SRGAP3: variants seen among roughly 807,000 people sequenced by gnomAD.
The protein encoded by SRGAP3 is SLIT-ROBO Rho GTPase activating protein 3.
SRGAP3 carries 39 observed loss-of-function variants against 121.1 expected under a neutral mutation model. The ratio of observed to expected loss-of-function variants is 0.32; its 90% CI spans 0.25 to 0.42. The LOEUF (loss-of-function observed/expected upper bound fraction) is 0.42, where lower values mean the gene tolerates loss of function less well. SRGAP3 is among the 10% of genes least tolerant of loss of function. The pLI is 1.00. For synonymous variants in SRGAP3, 601 were observed against 570.0 expected (o/e 1.05, Z -0.77); for missense variants, 1,213 against 1,470.6 (o/e 0.82, Z 2.86).
chr3:9,192,488 C>G (rs2125140815), intron 1 of SRGAP3: 1 of 152,302 alleles, frequency 6.6e-6, no homozygotes, highest in South Asian at 2.1e-4. Flanking sequence ...CACCAAGGGG[C>G]AGTTGGGTTT....
At chr3:9,058,712 CTCTTTTTT>C in intron 6 of SRGAP3, 3 of 410,826 alleles carry the variant, frequency 7.3e-6, no homozygotes, top group East Asian at 4.6e-5. Context: ...CTTTCTCTCT[CTCTTTTTT>C]TTTTTTTTTT....
At chr3:9,027,125 A>G (rs897662971) in intron 12 of SRGAP3, 130 bp from the exon 13 acceptor site, 2 of 857,908 alleles carry the variant, frequency 2.3e-6, no homozygotes, top group African/African-American at 3.3e-5. Flanking sequence ...ACAAGCAAGG[A>G]ACTGCTAATC....
chr3:9,316,679 C>T (rs1955352364), intron 3 of SRGAP3, among the ~76,000 whole-genome samples: 2 of 152,034 alleles, frequency 1.3e-5, no homozygotes, highest in African/African-American at 4.8e-5. Flanking sequence ...ATTAATATAG[C>T]AATCTCATAT....
intron 3 of SRGAP3, among the ~76,000 whole-genome samples, chr3:9,286,704 G>A (rs905670257): frequency 3.3e-5 from 5 of 150,746 alleles, no homozygotes; most frequent in African/African-American, 9.7e-5. Context: ...CCGGGTTCCC[G>A]CCATTCTCCT....
Position 8,990,800 on chromosome 3 carries a change from G to A in SRGAP3, c.2598C>T (p.Arg866=), listed in dbSNP as rs1311230865. ...LRSDGAAIPR[R]RSGGDTHSPP... Reference sequence around the variant, plus strand: ...GGCTGTGTGTGTCGCCCCCGCTTCGGCGTCTGGGGATGGCTGCTCCATCAG... The same window carrying A: ...GGCTGTGTGTGTCGCCCCCGCTTCGACGTCTGGGGATGGCTGCTCCATCAG... The change falls in exon 21 of 22, where the codon CGC becomes CGT. Residue 866 remains arginine (R), a synonymous_variant. Coordinates refer to ENST00000383836, the MANE Select transcript of SRGAP3 (RefSeq NM_014850.4). 6.3e-7 allele frequency: 1 copy of A among 1,584,776 alleles called. No individual in the cohort carries two copies. The highest frequency in any genetic ancestry group is 1.1e-5 in the South Asian group (1 of 87,732).
chr3:9,012,374 G>A (rs1395462263), intron 17 of SRGAP3, among the ~76,000 whole-genome samples: 2 of 152,188 alleles, frequency 1.3e-5, no homozygotes, highest in African/African-American at 2.4e-5. Flanking sequence ...TAGTAGAAAT[G>A]CTTTGGTCTC....
chr3:9,005,887 A>G (rs1943041371), intron 18 of SRGAP3, among the ~76,000 whole-genome samples: 1 of 152,200 alleles, frequency 6.6e-6, no homozygotes, highest in South Asian at 2.1e-4. Context: ...AATACACAAA[A>G]AAATCACTCA....
At chr3:9,057,719 G>A (rs1020705271) in intron 7 of SRGAP3, among the ~76,000 whole-genome samples, 3 of 152,248 alleles carry the variant, frequency 2.0e-5, no homozygotes, top group Non-Finnish European at 2.9e-5. Context: ...TGGGTAACGA[G>A]TAGGGCTGTG....
chr3:9,144,512 CAT>C lies in SRGAP3; in HGVS notation c.68-19597_68-19596del, dbSNP rs571765665. 2.8e-3 allele frequency among the ~76,000 whole-genome samples: 425 copies of C among 152,362 alleles called. 2 individuals carry two copies. The highest frequency in any genetic ancestry group is 4.5e-3 in the Non-Finnish European group (305 of 68,042). Reference sequence around the variant, plus strand: ...TAGATTGTATCTCCCAGAATTCCCACATGTTGTGGGAGGGACCCAGGAGGAGG... The same window carrying C: ...TAGATTGTATCTCCCAGAATTCCCACGTTGTGGGAGGGACCCAGGAGGAGG... On this transcript the variant is annotated intron_variant, in intron 1 of 21. Transcript: ENST00000383836.
intron 11 of SRGAP3, 118 bp from the exon 12 acceptor site, chr3:9,032,870 G>GA (rs1944561413): frequency 2.2e-6 from 2 of 894,810 alleles, no homozygotes; most frequent in African/African-American, 3.3e-5. Context: ...GGAAGCCCCT[G>GA]ACCCCCCGCC....
At position 9,196,055 on chromosome 3, in the gene SRGAP3, G is replaced by A. The variant is rs191540727; in HGVS notation, c.67+52830C>T. ...AGAAAAGATCATTGTGGCTTTGGAG[G>A]AATCCCAGGAAGCTTTCTGCAGGAG... is the stretch of plus-strand genomic sequence containing the variant. On this transcript the variant is annotated intron_variant, in intron 1 of 21. Coordinates refer to ENST00000383836, the MANE Select transcript of SRGAP3 (RefSeq NM_014850.4). 4.1e-3 allele frequency among the ~76,000 whole-genome samples: 628 copies of A among 152,342 alleles called. 3 individuals are homozygous for A. The highest frequency in any genetic ancestry group is 7.2e-3 in the Non-Finnish European group (491 of 68,026).
At chr3:9,156,066 C>T (rs1033049383) in intron 1 of SRGAP3, among the ~76,000 whole-genome samples, 21 of 152,256 alleles carry the variant, frequency 1.4e-4, no homozygotes, top group Admixed American at 6.5e-4. Flanking sequence ...CCACCCGCCT[C>T]GGCCTCCCAA....
chr3:9,327,843 A>T (rs1044077388), intron 2 of SRGAP3, among the ~76,000 whole-genome samples: 1 of 152,140 alleles, frequency 6.6e-6, no homozygotes, highest in African/African-American at 2.4e-5. Context: ...AGACTTTCTG[A>T]CTTGCCCTAA....
At chr3:9,276,353 C>G (rs1050357009) in intron 3 of SRGAP3, among the ~76,000 whole-genome samples, 1 of 152,120 alleles carries the variant, frequency 6.6e-6, no homozygotes, top group East Asian at 1.9e-4. Context: ...ACCTGTCTTG[C>G]TGGACCCTCC....
chr3:8,986,299 T>C (rs1026956805), intron 21 of SRGAP3, among the ~76,000 whole-genome samples: 1 of 152,100 alleles, frequency 6.6e-6, no homozygotes, highest in Non-Finnish European at 1.5e-5. Flanking sequence ...CAGATAATTA[T>C]AATATGGACC....
At chr3:9,243,908 TA>T (rs1425623127) in intron 1 of SRGAP3, among the ~76,000 whole-genome samples, 5 of 152,188 alleles carry the variant, frequency 3.3e-5, no homozygotes, top group Admixed American at 6.5e-5. Context: ...AGATTTTGCT[TA>T]AAAATCCAGA....
At chr3:9,064,147 T>A (rs1446136837) in intron 5 of SRGAP3, among the ~76,000 whole-genome samples, 1 of 152,228 alleles carries the variant, frequency 6.6e-6, no homozygotes, top group African/African-American at 2.4e-5. Flanking sequence ...GAGCACCTCG[T>A]CTGCCTGCTG....
At chr3:9,121,658 G>A (rs1160454388) in intron 2 of SRGAP3, among the ~76,000 whole-genome samples, 1 of 152,338 alleles carries the variant, frequency 6.6e-6, no homozygotes, top group East Asian at 1.9e-4. Context: ...ATGAACCCAT[G>A]AGGGGCTGGC....
At chr3:9,173,057 C>T (rs978696781) in intron 1 of SRGAP3, among the ~76,000 whole-genome samples, 2 of 152,218 alleles carry the variant, frequency 1.3e-5, no homozygotes, top group African/African-American at 4.8e-5. Context: ...AAGCACTGTG[C>T]ACCAGGGCCA....
Sources: gnomAD v4.1 joint callset for allele counts (sites outside exome capture counted in the v4.1 genomes callset) on GRCh38, gnomAD v4.1.1 for gene constraint, MANE v1.5 for transcripts, NCBI Gene and HGNC (gene_info 2026-07-23, HGNC 2026-07-21) for gene names.